FAM83D: variants seen among roughly 807,000 people sequenced by gnomAD.
FAM83D encodes the protein protein FAM83D.
In FAM83D, 26 loss-of-function variants were observed where a neutral mutation model predicts 25.4. That is an observed-to-expected ratio of 1.02 (90% CI 0.75 to 1.42). The LOEUF is 1.42. Ranked by LOEUF, FAM83D falls within the 40% of genes most tolerant of loss-of-function variation. FAM83D has a pLI of 0.00. For synonymous variants in FAM83D, 310 were observed against 318.5 expected (o/e 0.97, Z 0.28); for missense variants, 740 against 758.1 (o/e 0.98, Z 0.28).
In FAM83D at chr20:38,926,428, AGTCCGAGCGCCGCCATGGCTCTGCT is replaced by A. The variant is rs2085633991; in HGVS notation, c.-7_18del. 1.9e-6 allele frequency: 3 copies of A among 1,597,726 alleles called. No individual in the cohort carries two copies. The highest frequency in any genetic ancestry group is 1.7e-4 in the Middle Eastern group (1 of 6,042). On this transcript the variant is annotated start_lost and 5_prime_UTR_variant, in exon 1 of 4. Transcript: ENST00000619850. ...GCCGGTTTTTGTCCGAGGGCTGTCG[AGTCCGAGCGCCGCCATGGCTCTGCT>A]GTCCGAGGGCCTGGACGAGGTGCCC... is the stretch of plus-strand genomic sequence containing the variant.
In FAM83D at chr20:38,926,808, G is replaced by A. The variant is rs760227820; in HGVS notation, c.366G>A (p.Gln122=). ...LLELGWPAFY[Q]GAYRGATRVE... ...AGCTTGGCTGGCCCGCCTTCTACCAGGGCGCCTACCGCGGCGCCACGCGTG... is the reference window on the plus strand; with the variant it reads ...AGCTTGGCTGGCCCGCCTTCTACCAAGGCGCCTACCGCGGCGCCACGCGTG... The change falls in exon 1 of 4, where the codon CAG becomes CAA. Residue 122 remains glutamine, a synonymous_variant. Transcript: ENST00000619850. The A allele has an allele frequency of 9.7e-6, 15 of 1,540,894 alleles. No homozygotes were observed. Among genetic ancestry groups the A allele is most frequent in the Non-Finnish European group, 1.0e-5 (12 of 1,148,942 alleles).
At position 38,926,657 on chromosome 20, in the gene FAM83D, C is replaced by A. The variant is rs987126176; in HGVS notation, c.215C>A (p.Ala72Glu). Residue 72 changes from alanine to glutamate, a missense_variant, in exon 1 of 4, where the codon GCG becomes GAG. Ala to Glu is a moderately radical substitution (Grantham distance 107, BLOSUM62 -1). Around this residue, in one of 3 missense-constraint regions of FAM83D, gnomAD observed 333 missense variants for 298.6 expected, o/e 1.12. Transcript: ENST00000619850. ...PDEVHAILRAAERPGEEGAAA... is the reference protein window; with the variant it reads ...PDEVHAILRAEERPGEEGAAA... ...GAGGTGCACGCCATTCTGCGCGCGG[C>A]GGAGAGGCCGGGAGAGGAGGGCGCG... The A allele has an allele frequency of 5.2e-6, 8 of 1,535,104 alleles. No individual in the cohort carries two copies. In the African/African-American group the frequency reaches 8.3e-5, roughly 16 times the overall value.
intron 1 of FAM83D, among the ~76,000 whole-genome samples, chr20:38,929,201 C>G (rs78837407): frequency 0.036 from 5,397 of 150,650 alleles, 313 homozygotes; most frequent in African/African-American, 0.12. Flanking sequence ...AAAAAAAATC[C>G]AATGAGTATT....
chr20:38,938,253 C>T (rs1418340918), intron 1 of FAM83D, among the ~76,000 whole-genome samples: 1 of 152,186 alleles, frequency 6.6e-6, no homozygotes, highest in African/African-American at 2.4e-5. Flanking sequence ...TGCTGTGGGC[C>T]CCCAGGCCCA....
At chr20:38,941,913 G>A (rs2085703758) in intron 1 of FAM83D, 46 bp from the exon 2 acceptor site, 2 of 1,597,078 alleles carry the variant, frequency 1.3e-6, no homozygotes, top group South Asian at 1.1e-5. Context: ...GCTGTAAGGT[G>A]GTGTCCTATA....
chr20:38,952,422 C>G lies in FAM83D; in HGVS notation c.1660C>G (p.Leu554Val). 1 of 1,614,150 alleles carries G rather than the reference C, an allele frequency of 6.2e-7. No individual in the cohort carries two copies. Among genetic ancestry groups the G allele is most frequent in the Non-Finnish European group, 8.5e-7 (1 of 1,180,032 alleles). The change falls in exon 4 of 4, where the codon CTC becomes GTC. Residue 554 changes from leucine to valine, a missense_variant. Leu to Val is a conservative substitution (Grantham distance 32). This residue lies in a region of FAM83D where 375 missense variants were observed against 403.2 expected (regional missense o/e 0.93). Transcript: ENST00000619850. ...GCTGGCTATGCTGTCAAGGAGAACA[C>G]TCTTTACTGAAAACCACCTTGGCCT... ...HMLAMLSRRTLFTENHLGLHS... is the reference protein window; with the variant it reads ...HMLAMLSRRTVFTENHLGLHS...
At chr20:38,942,216 G>A (rs1345983043) in intron 2 of FAM83D, 90 bp downstream of exon 2, 78 of 1,418,908 alleles carry the variant, frequency 5.5e-5, no homozygotes, top group Non-Finnish European at 7.5e-5. Context: ...CGGTATCCCT[G>A]TTTACAAGGA....
chr20:38,943,963 A>T (rs1283229172), intron 2 of FAM83D, among the ~76,000 whole-genome samples: 2 of 152,244 alleles, frequency 1.3e-5, no homozygotes, highest in African/African-American at 4.8e-5. Context: ...AATTGCTGGG[A>T]TTACAGGCAT....
chr20:38,952,097 C>T lies in FAM83D; in HGVS notation c.1335C>T (p.Asp445=), dbSNP rs1601339976. ...CCAGATCGACCACTACTCAGACTGA[C>T]ATGGATGAGAACATTCTCTTTCCTC... ...IWSRSTTTQT[D]MDENILFPRG... is the part of the protein sequence containing the mutation. The change falls in exon 4 of 4, where the codon GAC becomes GAT. Residue 445 remains aspartate, a synonymous_variant. Transcript: ENST00000619850. The T allele has an allele frequency of 1.9e-6, 3 of 1,614,112 alleles. No individual in the cohort carries two copies. Among genetic ancestry groups the T allele is most frequent in the Non-Finnish European group, 8.5e-7 (1 of 1,180,044 alleles).
Position 38,952,056 on chromosome 20 carries a change from C to T in FAM83D, c.1294C>T (p.Gln432Ter). The change falls in exon 4 of 4, where the codon CAA (glutamine) becomes TAA (stop). Residue 432 changes from glutamine (Q) to a stop codon, truncating the protein, a stop_gained. Transcript: ENST00000619850. LOFTEE classifies it low-confidence loss of function (END_TRUNC). ...TAVITRIASS[Q>*]TTIWSRSTTT... Reference sequence around the variant, plus strand: ...AGTCATCACCAGGATAGCAAGCTCTCAAACCACGATTTGGTCCAGATCGAC... The same window carrying T: ...AGTCATCACCAGGATAGCAAGCTCTTAAACCACGATTTGGTCCAGATCGAC... The T allele has an allele frequency of 6.2e-7, 1 of 1,614,252 alleles. No homozygotes were observed. Among genetic ancestry groups the T allele is most frequent in the Non-Finnish European group, 8.5e-7 (1 of 1,180,036 alleles).
intron 1 of FAM83D, among the ~76,000 whole-genome samples, chr20:38,933,831 C>T (rs1324614218): frequency 1.3e-5 from 2 of 152,002 alleles, no homozygotes; most frequent in Non-Finnish European, 2.9e-5. Context: ...CCGGCAACCA[C>T]CATTCTACTT....
At chr20:38,950,717 C>T (rs1256381034) in intron 3 of FAM83D, among the ~76,000 whole-genome samples, 1 of 152,180 alleles carries the variant, frequency 6.6e-6, no homozygotes, top group Non-Finnish European at 1.5e-5. Context: ...ATCTGGTTTC[C>T]TTACCTTTAA....
intron 1 of FAM83D, among the ~76,000 whole-genome samples, chr20:38,935,658 G>C (rs961988593): frequency 3.9e-5 from 6 of 152,152 alleles, no homozygotes; most frequent in African/African-American, 1.4e-4. Context: ...GTTGCCCAGA[G>C]TGGTCTCAAA....
In FAM83D at chr20:38,941,808, G is replaced by A. The variant is rs139828502; in HGVS notation, c.484-151G>A. 8.1e-6 allele frequency: 6 copies of A among 744,190 alleles called. No homozygotes were observed. The African/African-American group carries it at 1.0e-4, about 13-fold the overall frequency. 46.1% of individuals were successfully genotyped at this position (744,190 alleles called of 1,614,324 possible). ...GGAGATGCAAAAGAGTCCATGGTGAGGGGGGCACCAACACTGCAGAAGGGG... is the reference window on the plus strand; with the variant it reads ...GGAGATGCAAAAGAGTCCATGGTGAAGGGGGCACCAACACTGCAGAAGGGG... On this transcript the variant is annotated intron_variant, in intron 1 of 3. Transcript: ENST00000619850.
chr20:38,938,877 C>T (rs944115392), intron 1 of FAM83D, among the ~76,000 whole-genome samples: 4 of 152,196 alleles, frequency 2.6e-5, no homozygotes, highest in African/African-American at 9.7e-5. Context: ...GTTGCAGGTC[C>T]TGTGTTGGAG....
chr20:38,946,344 C>T (rs1568699543), intron 2 of FAM83D, among the ~76,000 whole-genome samples: 1 of 151,770 alleles, frequency 6.6e-6, no homozygotes, highest in Non-Finnish European at 1.5e-5. Context: ...TTATTTTTAG[C>T]TTATTTTGAA....
chr20:38,929,360 T>C lies in FAM83D; in HGVS notation c.483+2435T>C, dbSNP rs574772364. On this transcript the variant is annotated intron_variant, in intron 1 of 3. Transcript: ENST00000619850. The stretch of plus-strand genomic sequence containing the variant: ...TGCTGATGGGAAACAGTGAGGAGTT[T>C]GCTGCAGGTACTGCGGAAAGGGCTA... Among the ~76,000 whole-genome samples the C allele has an allele frequency of 2.6e-5, 4 of 152,222 alleles. No individual in the cohort carries two copies. In the East Asian group the frequency reaches 7.7e-4, roughly 29 times the overall value.
chr20:38,948,695 G>A, intron 3 of FAM83D, among the ~76,000 whole-genome samples: 1 of 152,196 alleles, frequency 6.6e-6, no homozygotes, highest in East Asian at 1.9e-4. Context: ...GTTTGCATGA[G>A]GTGTGTCTGT....
At chr20:38,929,678 T>C (rs1010088115) in intron 1 of FAM83D, among the ~76,000 whole-genome samples, 1 of 151,258 alleles carries the variant, frequency 6.6e-6, no homozygotes, top group Non-Finnish European at 1.5e-5. Flanking sequence ...CTCAGGAGGC[T>C]GAGGCAGGAG....
Sources: gnomAD v4.1 joint callset for allele counts (sites outside exome capture counted in the v4.1 genomes callset) on GRCh38, gnomAD v4.1.1 for gene constraint, gnomAD v4.1.1 regional missense constraint, MANE v1.5 for transcripts, NCBI Gene and HGNC (gene_info 2026-07-23, HGNC 2026-07-21) for gene names.